The following CHN2 variants were observed in gnomAD, a reference collection of about 807,000 sequenced individuals.
CHN2 encodes beta-chimaerin.
Under a neutral mutation model 56.3 loss-of-function variants are expected in CHN2, and 35 were observed. The ratio of observed to expected loss-of-function variants is 0.62; its 90% CI spans 0.47 to 0.82. The LOEUF is 0.82. Among genes scored for constraint, CHN2 ranks in the 40% least tolerant of loss-of-function variants. CHN2 has a pLI of 0.00. For synonymous variants in CHN2, 210 were observed against 212.8 expected (o/e 0.99, Z 0.12); for missense variants, 491 against 580.5 (o/e 0.85, Z 1.58).
intron 1 of CHN2, among the ~76,000 whole-genome samples, chr7:29,298,396 T>C (rs116898983): frequency 0.025 from 3,780 of 152,276 alleles, 67 homozygotes; most frequent in Non-Finnish European, 0.036. Flanking sequence ...AAAATGTGTT[T>C]CGGGGGGGTT....
intron 6 of CHN2, among the ~76,000 whole-genome samples, chr7:29,435,358 A>T (rs1045381709): frequency 1.3e-5 from 2 of 152,206 alleles, no homozygotes; most frequent in South Asian, 2.1e-4. Context: ...TCTGAGTCAG[A>T]TACTGTGGGG....
intron 1 of CHN2, among the ~76,000 whole-genome samples, chr7:29,341,312 A>G (rs1031487536): frequency 1.3e-5 from 2 of 152,178 alleles, no homozygotes; most frequent in African/African-American, 4.8e-5. Context: ...AGGATGTGGC[A>G]AGCATGGGCC....
At chr7:29,344,286 A>C (rs1797261445) in intron 1 of CHN2, among the ~76,000 whole-genome samples, 1 of 150,790 alleles carries the variant, frequency 6.6e-6, no homozygotes, top group Non-Finnish European at 1.5e-5. Flanking sequence ...GTCCACTTTC[A>C]CTCTCAACTG....
chr7:29,375,803 T>C (rs1562558476), intron 3 of CHN2, among the ~76,000 whole-genome samples: 1 of 152,172 alleles, frequency 6.6e-6, no homozygotes, highest in Admixed American at 6.5e-5. Flanking sequence ...CACACCTCCA[T>C]AGGAGTTGCT....
At chr7:29,301,341 GTACA>G (rs1793636256) in intron 1 of CHN2, among the ~76,000 whole-genome samples, 1 of 83,970 alleles carries the variant, frequency 1.2e-5, no homozygotes, top group African/African-American at 5.0e-5. Context: ...CCTCAAACAG[GTACA>G]CACACACACA....
intron 2 of CHN2, among the ~76,000 whole-genome samples, chr7:29,366,546 G>A (rs118142759): frequency 2.1e-3 from 327 of 152,316 alleles, no homozygotes; most frequent in Non-Finnish European, 3.6e-3. Flanking sequence ...CACTTTCCAT[G>A]TATTGGTTCA....
intron 1 of CHN2, among the ~76,000 whole-genome samples, chr7:29,329,376 CAAAAAAAAA>C (rs10667833): frequency 1.2e-3 from 46 of 37,244 alleles, no homozygotes; most frequent in Middle Eastern, 0.026. Context: ...TCAGATAAGG[CAAAAAAAAA>C]AAAAAAAAAA....
Position 29,507,261 on chromosome 7 carries a change from A to T in CHN2, c.1025A>T (p.Tyr342Phe). 6.2e-7 allele frequency: 1 copy of T among 1,611,982 alleles called. No homozygotes were observed. The highest frequency in any genetic ancestry group is 1.1e-5 in the South Asian group (1 of 90,608). Residue 342 changes from tyrosine to phenylalanine, a missense_variant, in exon 11 of 13, where the codon TAT becomes TTT. Tyr to Phe is a conservative substitution (Grantham distance 22, BLOSUM62 3). Transcript: ENST00000222792. ...GEKADISANV[Y>F]PDINIITGAL... Reference sequence around the variant, plus strand: ...AAGGCCGATATATCTGCCAATGTCTATCCAGACATAAACATCATCACTGGA... The same window carrying T: ...AAGGCCGATATATCTGCCAATGTCTTTCCAGACATAAACATCATCACTGGA...
intron 1 of CHN2, chr7:29,213,068 A>G: frequency 6.2e-7 from 1 of 1,606,948 alleles, no homozygotes; most frequent in Non-Finnish European, 8.5e-7. Flanking sequence ...TTCCAGCCAA[A>G]TTCACCTTCC....
intron 1 of CHN2, among the ~76,000 whole-genome samples, chr7:29,249,623 T>G (rs1283969181): frequency 1.3e-5 from 2 of 152,226 alleles, no homozygotes; most frequent in Non-Finnish European, 2.9e-5. Flanking sequence ...GCCTTTCTGC[T>G]CTAAGCCATT....
chr7:29,253,266 A>G (rs1416026379), intron 1 of CHN2, among the ~76,000 whole-genome samples: 1 of 152,206 alleles, frequency 6.6e-6, no homozygotes, highest in Admixed American at 6.5e-5. Flanking sequence ...TATATGTGGC[A>G]TTCATCCATG....
intron 1 of CHN2, among the ~76,000 whole-genome samples, chr7:29,306,615 C>T (rs1297005586): frequency 1.3e-5 from 2 of 152,180 alleles, no homozygotes; most frequent in Non-Finnish European, 2.9e-5. Flanking sequence ...TATATCCTTG[C>T]CCTGTGACAC....
At chr7:29,252,593 T>TTTTTG (rs1788699368) in intron 1 of CHN2, among the ~76,000 whole-genome samples, 1 of 43,038 alleles carries the variant, frequency 2.3e-5, no homozygotes, top group Non-Finnish European at 4.2e-5. Flanking sequence ...TTTTTTTTTT[T>TTTTTG]TTTTTTTTTT....
chr7:29,508,234 G>C (rs1210612009), intron 11 of CHN2, among the ~76,000 whole-genome samples: 1 of 151,866 alleles, frequency 6.6e-6, no homozygotes, highest in Non-Finnish European at 1.5e-5. Context: ...TTTGGCACTT[G>C]GGCCCACTGC....
chr7:29,413,311 A>T (rs1396147029), intron 6 of CHN2, among the ~76,000 whole-genome samples: 1 of 152,234 alleles, frequency 6.6e-6, no homozygotes. Context: ...GTCATTTGCA[A>T]GAGACACTTT....
chr7:29,379,154 A>G (rs1217651572), intron 3 of CHN2, among the ~76,000 whole-genome samples: 1 of 152,226 alleles, frequency 6.6e-6, no homozygotes, highest in Non-Finnish European at 1.5e-5. Context: ...ATGTTGAGAG[A>G]TGACTTGGCC....
chr7:29,479,880 G>GCACA lies in CHN2; in HGVS notation c.577-398_577-397insACAC. ...ACATGAATGTTTGCTATTGTTCCAG[G>GCACA]CGCACGTCGGCCTTAAGAAATAGCA... On this transcript the variant is annotated intron_variant, in intron 6 of 12. Transcript: ENST00000222792. The GCACA allele has an allele frequency of 4.3e-6, 6 of 1,394,008 alleles. No individual in the cohort carries two copies. The African/African-American group carries it at 7.2e-5, about 17-fold the overall frequency. The allele number at this position is 1,394,008 out of a possible 1,614,324, so 86.4% of individuals were successfully genotyped here.
At chr7:29,307,606 T>C (rs186220847) in intron 1 of CHN2, among the ~76,000 whole-genome samples, 2 of 152,172 alleles carry the variant, frequency 1.3e-5, no homozygotes, top group African/African-American at 2.4e-5. Flanking sequence ...CAAGAGCCCA[T>C]TTAAGGCAAA....
chr7:29,210,748 G>A (rs1584744730), intron 1 of CHN2, among the ~76,000 whole-genome samples: 1 of 152,092 alleles, frequency 6.6e-6, no homozygotes, highest in Non-Finnish European at 1.5e-5. Flanking sequence ...AAGTTTAGTG[G>A]TCAGAGAAGG....
Sources: gnomAD v4.1 joint callset for allele counts (sites outside exome capture counted in the v4.1 genomes callset) on GRCh38, gnomAD v4.1.1 for gene constraint, MANE v1.5 for transcripts, NCBI Gene and HGNC (gene_info 2026-07-23, HGNC 2026-07-21) for gene names.